Variants in TMEM132D observed in about 807,000 individuals in gnomAD.
TMEM132D encodes the protein mature OL transmembrane protein.
In TMEM132D, 21 loss-of-function variants were observed where a neutral mutation model predicts 62.3. The ratio of observed to expected loss-of-function variants is 0.34; its 90% CI spans 0.24 to 0.49. TMEM132D has a LOEUF of 0.49. Among genes scored for constraint, TMEM132D ranks in the 20% least tolerant of loss-of-function variants. The probability of loss-of-function intolerance (pLI) is 0.99; values close to 1 mark genes in which losing one functional copy is unlikely to be tolerated. For missense variants in TMEM132D, 1,346 were observed against 1,402.8 expected (o/e 0.96, Z 0.65); for synonymous variants, 621 against 575.6 (o/e 1.08, Z -1.13).
chr12:129,512,977 G>A (rs1333393933), intron 3 of TMEM132D, among the ~76,000 whole-genome samples: 5 of 152,186 alleles, frequency 3.3e-5, no homozygotes, highest in East Asian at 1.9e-4. Context: ...CAGGAGTGTC[G>A]AAGAATTTCT....
rs2137228136 is a variant in TMEM132D at position 129,700,712 on chromosome 12, A to G, written c.80-14T>C. 6.3e-7 allele frequency: 1 copy of G among 1,593,506 alleles called. No homozygotes were observed. Among genetic ancestry groups the G allele is most frequent in the Admixed American group, 1.7e-5 (1 of 58,664 alleles). On this transcript the variant is annotated splice_polypyrimidine_tract_variant and intron_variant, in intron 1 of 8. Coordinates refer to ENST00000422113, the MANE Select transcript of TMEM132D (RefSeq NM_133448.3). ...GACCTTCCGTCACTGTGGGGAGGGA[A>G]TCGCAGTGCAGGCGTTAGTAATGCT...
intron 2 of TMEM132D, among the ~76,000 whole-genome samples, chr12:129,637,098 G>A (rs1304251974): frequency 1.3e-5 from 2 of 152,062 alleles, no homozygotes; most frequent in Non-Finnish European, 2.9e-5. Context: ...AGTTTTAACT[G>A]CTTTAGGTAA....
rs767215290 is a variant in TMEM132D, at chr12:129,432,159, TTGGATGGATGGA to T, written c.1116-94354_1116-94343del. Reference sequence around the variant, plus strand: ...GATGGATGGATGGATGGATGGATGCTTGGATGGATGGATGGATGGATGGATGGATGGATGGAT... The same window carrying T: ...GATGGATGGATGGATGGATGGATGCTTGGATGGATGGATGGATGGATGGAT... On this transcript the variant is annotated intron_variant, in intron 3 of 8. Transcript: ENST00000422113. 6.1e-3 allele frequency among the ~76,000 whole-genome samples: 821 copies of T among 134,420 alleles called. 10 individuals are homozygous for T. The highest frequency in any genetic ancestry group is 0.018 in the African/African-American group (602 of 34,010). 88.2% of individuals were successfully genotyped at this position (134,420 alleles called of 152,430 possible). A position where few individuals can be genotyped will look rare whatever the true frequency, so the allele number is the denominator to read the frequency against.
intron 2 of TMEM132D, among the ~76,000 whole-genome samples, chr12:129,619,000 G>A (rs1216236635): frequency 6.6e-6 from 1 of 152,178 alleles, no homozygotes; most frequent in Non-Finnish European, 1.5e-5. Context: ...CAGCAGAAAG[G>A]AATAACTGGG....
chr12:129,414,313 T>A (rs1872052825), intron 3 of TMEM132D, among the ~76,000 whole-genome samples: 1 of 152,242 alleles, frequency 6.6e-6, no homozygotes, highest in African/African-American at 2.4e-5. Context: ...ATGCATTCAA[T>A]AACTATACGG....
chr12:129,753,273 C>T (rs113160969), intron 1 of TMEM132D, among the ~76,000 whole-genome samples: 2 of 152,310 alleles, frequency 1.3e-5, no homozygotes, highest in African/African-American at 4.8e-5. Flanking sequence ...TATTCTTCAT[C>T]ATTGTCCAAA....
At chr12:129,103,107 C>A (rs933566525) in intron 5 of TMEM132D, among the ~76,000 whole-genome samples, 1 of 152,126 alleles carries the variant, frequency 6.6e-6, no homozygotes, top group African/African-American at 2.4e-5. Context: ...ACAAAATCAG[C>A]ATATGTTTGA....
chr12:129,722,508 C>T (rs527631847), intron 1 of TMEM132D, among the ~76,000 whole-genome samples: 166 of 152,250 alleles, frequency 1.1e-3, no homozygotes, highest in Non-Finnish European at 1.5e-3. Context: ...AGGCCTAGTC[C>T]TCTGTCTCTG....
intron 4 of TMEM132D, among the ~76,000 whole-genome samples, chr12:129,331,111 G>A (rs923723142): frequency 2.6e-5 from 4 of 152,216 alleles, no homozygotes; most frequent in Admixed American, 6.5e-5. Context: ...TGTGGTGGAT[G>A]TGGCATGGGA....
At chr12:129,385,197 C>T (rs1871076883) in intron 3 of TMEM132D, among the ~76,000 whole-genome samples, 1 of 150,052 alleles carries the variant, frequency 6.7e-6, no homozygotes, top group African/African-American at 2.5e-5. Flanking sequence ...CTTCCGCCTC[C>T]CGGGTTCAAG....
chr12:129,171,036 C>A (rs960862802), intron 5 of TMEM132D, among the ~76,000 whole-genome samples: 3 of 152,078 alleles, frequency 2.0e-5, no homozygotes, highest in Non-Finnish European at 4.4e-5. Flanking sequence ...CTGTAGCATG[C>A]GATGCTGTTT....
At chr12:129,802,801 G>A (rs369290237) in intron 1 of TMEM132D, among the ~76,000 whole-genome samples, 6 of 151,288 alleles carry the variant, frequency 4.0e-5, no homozygotes, top group South Asian at 2.1e-4. Flanking sequence ...CCCATCTCAC[G>A]TGCAGAGACA....
chr12:129,234,382 A>G (rs1327993986), intron 4 of TMEM132D, among the ~76,000 whole-genome samples: 1 of 152,210 alleles, frequency 6.6e-6, no homozygotes, highest in Non-Finnish European at 1.5e-5. Context: ...ATCCTGTCTC[A>G]TTGTAGGCTC....
intron 1 of TMEM132D, among the ~76,000 whole-genome samples, chr12:129,872,899 A>T (rs976641761): frequency 2.6e-5 from 4 of 152,204 alleles, no homozygotes; most frequent in East Asian, 3.9e-4. Flanking sequence ...TTCATACTTC[A>T]CGCGAGGCAG....
intron 2 of TMEM132D, among the ~76,000 whole-genome samples, chr12:129,591,003 G>T (rs115634596): frequency 2.0e-5 from 3 of 152,272 alleles, no homozygotes; most frequent in African/African-American, 7.2e-5. Flanking sequence ...CTATGGATGT[G>T]TTATGGTGAG....
At chr12:129,639,613 A>G (rs544869458) in intron 2 of TMEM132D, among the ~76,000 whole-genome samples, 62 of 152,074 alleles carry the variant, frequency 4.1e-4, no homozygotes, top group African/African-American at 1.4e-3. Context: ...CCCCCTACAG[A>G]CCATGTCTAC....
chr12:129,143,933 CT>C (rs1173695206), intron 5 of TMEM132D, among the ~76,000 whole-genome samples: 48 of 147,816 alleles, frequency 3.2e-4, no homozygotes, highest in African/African-American at 1.2e-3. Context: ...ACCCTGCTCA[CT>C]CTTGAACTCC....
intron 1 of TMEM132D, among the ~76,000 whole-genome samples, chr12:129,838,690 A>G (rs1478486653): frequency 6.6e-6 from 1 of 152,216 alleles, no homozygotes; most frequent in Non-Finnish European, 1.5e-5. Context: ...AATAGTATTC[A>G]TAGGATATGA....
chr12:129,105,811 T>A (rs928282907), intron 5 of TMEM132D, among the ~76,000 whole-genome samples: 1 of 151,408 alleles, frequency 6.6e-6, no homozygotes, highest in South Asian at 2.1e-4. Flanking sequence ...AGTTTTACAC[T>A]GTTGGTGGGA....
Sources: gnomAD v4.1 joint callset for allele counts (sites outside exome capture counted in the v4.1 genomes callset) on GRCh38, gnomAD v4.1.1 for gene constraint, MANE v1.5 for transcripts, NCBI Gene and HGNC (gene_info 2026-07-23, HGNC 2026-07-21) for gene names.